The following GABRB1 variants were observed in gnomAD, a reference collection of about 807,000 sequenced individuals.
GABRB1 encodes the protein gamma-aminobutyric acid receptor subunit beta-1.
GABRB1 carries 17 observed loss-of-function variants against 51.6 expected under a neutral mutation model. The observed-to-expected ratio is 0.33, with a 90% CI of 0.23 to 0.49. The LOEUF (loss-of-function observed/expected upper bound fraction) is 0.49. Ranked by LOEUF, GABRB1 falls within the 20% of genes least tolerant of loss-of-function variation. The probability of loss-of-function intolerance (pLI) is 0.99; values close to 1 mark genes in which losing one functional copy is unlikely to be tolerated. For synonymous variants in GABRB1, 247 were observed against 218.9 expected, an observed-to-expected ratio of 1.13 and a Z score of -1.14; for missense variants, 410 against 600.6, an observed-to-expected ratio of 0.68 and a Z score of 3.32.
upstream of GABRB1, among the ~76,000 whole-genome samples, chr4:47,030,289 G>A (rs1002160100): frequency 1.6e-4 from 24 of 152,058 alleles, no homozygotes; most frequent in Non-Finnish European, 1.8e-4. Context: ...TTATTGTAAT[G>A]GAATAAATTT....
At chr4:47,198,334 G>C (rs1365391845) in intron 4 of GABRB1, among the ~76,000 whole-genome samples, 2 of 152,112 alleles carry the variant, frequency 1.3e-5, no homozygotes, top group African/African-American at 4.8e-5. Context: ...CCCAAAGATG[G>C]GGGAGGAAAT....
chr4:47,035,295 GTGTTTT>G (rs1560504791), intron 3 of GABRB1, among the ~76,000 whole-genome samples: 3 of 151,428 alleles, frequency 2.0e-5, no homozygotes, highest in African/African-American at 7.3e-5. Context: ...GAAAAATTAA[GTGTTTT>G]CTTAATTTTT....
chr4:47,282,058 AGAT>A (rs74355487), intron 4 of GABRB1, among the ~76,000 whole-genome samples: 10,235 of 152,190 alleles, frequency 0.067, 518 homozygotes, highest in East Asian at 0.28. Context: ...CATTAAAAAA[AGAT>A]GAATTGTTAA....
intron 4 of GABRB1, among the ~76,000 whole-genome samples, chr4:47,295,287 G>C (rs1370777771): frequency 6.6e-6 from 1 of 152,196 alleles, no homozygotes; most frequent in East Asian, 1.9e-4. Flanking sequence ...AGAGGAGAAG[G>C]CTTCAGACGA....
chr4:47,083,980 C>T (rs1354048816), intron 3 of GABRB1, among the ~76,000 whole-genome samples: 1 of 151,802 alleles, frequency 6.6e-6, no homozygotes, highest in Admixed American at 6.6e-5. Flanking sequence ...TATATTACCC[C>T]AAAGGAAAAA....
chr4:47,396,812 C>T (rs1034017498), intron 5 of GABRB1, among the ~76,000 whole-genome samples: 9 of 152,100 alleles, frequency 5.9e-5, no homozygotes, highest in Non-Finnish European at 8.8e-5. Flanking sequence ...AGCTGCATCC[C>T]CACGTGCTCA....
intron 1 of GABRB1, among the ~76,000 whole-genome samples, chr4:47,004,473 T>C (rs889453168): frequency 6.6e-6 from 1 of 152,158 alleles, no homozygotes; most frequent in African/African-American, 2.4e-5. Context: ...TGTATTTGTT[T>C]ATGGGAGACA....
At position 47,278,523 on chromosome 4, in the gene GABRB1, T is replaced by A. The variant is rs73815429; in HGVS notation, c.462-41604T>A. Among the ~76,000 whole-genome samples the A allele has an allele frequency of 5.7e-3, 870 of 152,220 alleles. 11 individuals carry two copies. The highest frequency in any genetic ancestry group is 0.02 in the African/African-American group (823 of 41,538). Reference sequence around the variant, plus strand: ...CTAGACACTGTGAGGATGGAAGCAATATTTATTTCATAGTGCATGCAAAGC... The same window carrying A: ...CTAGACACTGTGAGGATGGAAGCAAAATTTATTTCATAGTGCATGCAAAGC... On this transcript the variant is annotated intron_variant, in intron 4 of 8. Coordinates refer to ENST00000295454, the MANE Select transcript of GABRB1 (RefSeq NM_000812.4).
intron 4 of GABRB1, among the ~76,000 whole-genome samples, chr4:47,314,130 C>A (rs138388888): frequency 6.6e-6 from 1 of 151,874 alleles, no homozygotes; most frequent in African/African-American, 2.4e-5. Context: ...AGTAAATTGG[C>A]CGAGGTGATC....
intron 4 of GABRB1, among the ~76,000 whole-genome samples, chr4:47,205,467 A>T (rs1720077859): frequency 6.6e-6 from 1 of 152,076 alleles, no homozygotes; most frequent in African/African-American, 2.4e-5. Flanking sequence ...CTTCAAATTA[A>T]TTTTGTCCAA....
chr4:47,295,443 G>T (rs533467057), intron 4 of GABRB1, among the ~76,000 whole-genome samples: 1 of 152,276 alleles, frequency 6.6e-6, no homozygotes, highest in South Asian at 2.1e-4. Flanking sequence ...GCCAAGGCTC[G>T]AGAACTACAT....
intron 4 of GABRB1, among the ~76,000 whole-genome samples, chr4:47,292,050 C>G (rs1233867181): frequency 6.6e-6 from 1 of 152,020 alleles, no homozygotes. Flanking sequence ...TGGTTTTGTC[C>G]CCAGCCAAAT....
intron 3 of GABRB1, among the ~76,000 whole-genome samples, chr4:47,072,133 T>G (rs1196317592): frequency 2.0e-5 from 3 of 152,154 alleles, no homozygotes; most frequent in Non-Finnish European, 4.4e-5. Context: ...CTTGAAAAAG[T>G]TTCAAATTTC....
intron 4 of GABRB1, among the ~76,000 whole-genome samples, chr4:47,206,181 T>C (rs1428664814): frequency 6.6e-6 from 1 of 152,040 alleles, no homozygotes; most frequent in Non-Finnish European, 1.5e-5. Flanking sequence ...AACATAGTTA[T>C]GAAAGAATGA....
At chr4:47,118,458 T>C (rs1484533129) in intron 3 of GABRB1, among the ~76,000 whole-genome samples, 1 of 152,154 alleles carries the variant, frequency 6.6e-6, no homozygotes, top group Non-Finnish European at 1.5e-5. Context: ...TTTTTATCAC[T>C]TTACAGTTTT....
intron 4 of GABRB1, among the ~76,000 whole-genome samples, chr4:47,315,198 A>C (rs924824442): frequency 6.6e-6 from 1 of 152,056 alleles, no homozygotes; most frequent in Admixed American, 6.6e-5. Flanking sequence ...ACAAGCAAAA[A>C]ATGAACAAAC....
chr4:47,249,321 A>G (rs1362534376), intron 4 of GABRB1, among the ~76,000 whole-genome samples: 2 of 152,028 alleles, frequency 1.3e-5, no homozygotes, highest in African/African-American at 4.8e-5. Flanking sequence ...ATGGTTTTGA[A>G]GGTTCCTTTT....
chr4:47,325,508 C>G (rs1455642798), intron 5 of GABRB1, among the ~76,000 whole-genome samples: 1 of 152,054 alleles, frequency 6.6e-6, no homozygotes, highest in East Asian at 1.9e-4. Flanking sequence ...TCTTCAAGCT[C>G]TTGTGTGACT....
In GABRB1 at chr4:47,336,972, C is replaced by T. The variant is rs986957997; in HGVS notation, c.544+16763C>T. Among the ~76,000 whole-genome samples, 28 of 152,178 alleles carry T rather than the reference C, an allele frequency of 1.8e-4. 1 individual carries two copies. The highest frequency in any genetic ancestry group is 6.7e-4 in the African/African-American group (28 of 41,510). Reference sequence around the variant, plus strand: ...AAGTCTGGTGTATAGAAAAATAATCCGCATGTATATTGGATTCACAAAGAA... The same window carrying T: ...AAGTCTGGTGTATAGAAAAATAATCTGCATGTATATTGGATTCACAAAGAA... On this transcript the variant is annotated intron_variant, in intron 5 of 8. Transcript: ENST00000295454.
Sources: allele counts gnomAD v4.1 joint callset (sites outside exome capture counted in the v4.1 genomes callset), GRCh38; gene constraint gnomAD v4.1.1; transcripts MANE v1.5; gene names NCBI Gene and HGNC (gene_info 2026-07-23, HGNC 2026-07-21).